The following EPS15 variants were observed in gnomAD, a reference collection of about 807,000 sequenced individuals.
EPS15 encodes epidermal growth factor receptor pathway substrate 15.
A neutral mutation model predicts 113.8 loss-of-function variants in EPS15; 72 were observed. The ratio of observed to expected loss-of-function variants is 0.63; its 90% confidence interval spans 0.52 to 0.77. EPS15 has a LOEUF of 0.77. Ranked by LOEUF, EPS15 falls within the 30% of genes least tolerant of loss-of-function variation. EPS15 has a pLI of 0.00. For missense variants in EPS15, 1,048 were observed against 1,045.8 expected (o/e 1.00, Z -0.03); for synonymous variants, 344 against 363.4 (o/e 0.95, Z 0.61).
At chr1:51,485,658 C>A (rs1162241113) in intron 1 of EPS15, among the ~76,000 whole-genome samples, 1 of 152,162 alleles carries the variant, frequency 6.6e-6, no homozygotes, top group Non-Finnish European at 1.5e-5. Flanking sequence ...CAATTATTAT[C>A]AACAAAGTTT....
chr1:51,375,706 A>G (rs1385914440), intron 21 of EPS15, among the ~76,000 whole-genome samples: 1 of 152,212 alleles, frequency 6.6e-6, no homozygotes, highest in Non-Finnish European at 1.5e-5. Context: ...GACCTATATA[A>G]TAATAACTAA....
chr1:51,363,272 T>C (rs1481752192), intron 23 of EPS15, among the ~76,000 whole-genome samples: 2 of 137,858 alleles, frequency 1.5e-5, no homozygotes, highest in East Asian at 4.1e-4. Context: ...TACTCCAGCC[T>C]GGGCAACAGA....
intron 1 of EPS15, among the ~76,000 whole-genome samples, chr1:51,510,646 C>T (rs1403580587): frequency 2.0e-5 from 3 of 151,820 alleles, no homozygotes; most frequent in Admixed American, 6.6e-5. Flanking sequence ...ACAGTGGAGC[C>T]GGAAGAGGGA....
chr1:51,515,904 G>A (rs937968609), intron 1 of EPS15, among the ~76,000 whole-genome samples: 11 of 152,146 alleles, frequency 7.2e-5, no homozygotes, highest in Admixed American at 5.2e-4. Flanking sequence ...GATTCTAAGT[G>A]TAGTAAAATT....
intron 1 of EPS15, among the ~76,000 whole-genome samples, chr1:51,497,668 T>G (rs1644347744): frequency 6.6e-6 from 1 of 152,104 alleles, no homozygotes; most frequent in African/African-American, 2.4e-5. Flanking sequence ...GCGAAAAATA[T>G]CACTTAAATC....
At chr1:51,459,970 CAG>C (rs1198615368) in intron 8 of EPS15, among the ~76,000 whole-genome samples, 3 of 151,554 alleles carry the variant, frequency 2.0e-5, no homozygotes, top group Non-Finnish European at 1.5e-5. Flanking sequence ...GAAAATGTAA[CAG>C]GGAATTAAAT....
intron 8 of EPS15, among the ~76,000 whole-genome samples, chr1:51,452,501 A>G (rs970354061): frequency 6.6e-6 from 1 of 152,004 alleles, no homozygotes; most frequent in African/African-American, 2.4e-5. Flanking sequence ...TCAGGTTGGT[A>G]TCAAACTTCT....
At position 51,364,052 on chromosome 1, in the gene EPS15, T is replaced by C. The variant is rs1160835303; in HGVS notation, c.2197-24A>G. Reference sequence around the variant, plus strand: ...ACCTTTGTTTAAAAAGAAATGGTTATACATGGCTATACCAAGCAAATTGTG... The same window carrying C: ...ACCTTTGTTTAAAAAGAAATGGTTACACATGGCTATACCAAGCAAATTGTG... On this transcript the variant is annotated intron_variant, in intron 22 of 24. Transcript: ENST00000371733. The C allele has an allele frequency of 3.8e-6, 6 of 1,564,056 alleles. No homozygotes were observed. In the African/African-American group the frequency reaches 5.4e-5, roughly 14 times the overall value.
rs533600856 is a variant in EPS15, at chr1:51,431,421, T to G, written c.1040+8926A>C. ...GTGGCAGGTCCCAAAATCAGATGGTTCATTTTACAAAGGTGAAATAATTTC... is the reference window on the plus strand; with the variant it reads ...GTGGCAGGTCCCAAAATCAGATGGTGCATTTTACAAAGGTGAAATAATTTC... On this transcript the variant is annotated intron_variant, in intron 12 of 24. Coordinates refer to ENST00000371733, the MANE Select transcript of EPS15 (RefSeq NM_001981.3). Among the ~76,000 whole-genome samples, 301 of 152,020 alleles carry G rather than the reference T, an allele frequency of 2.0e-3. 1 individual carries two copies. The highest frequency in any genetic ancestry group is 2.7e-3 in the Non-Finnish European group (181 of 67,966).
rs776067707 is a variant in EPS15, at chr1:51,409,555, A to G, written c.1255T>C (p.Cys419Arg). ...ATTACCAGTTGGGCCTCCTCAGCAC[A>G]TTTCTTTCTGACTTCCTTGAGTTGC... The part of the protein sequence containing the change: ...EEQLKEVRKK[C>R]AEEAQLISSL... Residue 419 changes from cysteine to arginine, a missense_variant, in exon 14 of 25, where the codon TGT (cysteine) becomes CGT (arginine). Coordinates refer to ENST00000371733, the MANE Select transcript of EPS15 (RefSeq NM_001981.3). The G allele has an allele frequency of 2.5e-6, 4 of 1,613,284 alleles. No individual in the cohort carries two copies. The highest frequency in any genetic ancestry group is 1.3e-5 in the African/African-American group (1 of 74,876).
intron 20 of EPS15, among the ~76,000 whole-genome samples, chr1:51,396,162 A>AC (rs1381532834): frequency 1.4e-4 from 21 of 152,208 alleles, no homozygotes; most frequent in African/African-American, 5.1e-4. Flanking sequence ...ACTAACTTAG[A>AC]TATCTGCAGA....
chr1:51,397,247 C>T (rs1195193177), intron 20 of EPS15: 2 of 152,160 alleles, frequency 1.3e-5, no homozygotes, highest in Non-Finnish European at 2.9e-5. Context: ...ATATAAAGAG[C>T]TTGGCACCAT....
At chr1:51,479,088 G>A (rs1044841029) in intron 2 of EPS15, among the ~76,000 whole-genome samples, 1 of 152,076 alleles carries the variant, frequency 6.6e-6, no homozygotes, top group African/African-American at 2.4e-5. Context: ...TCACTTTCAG[G>A]TACACCAATC....
rs1452417170 is a variant in EPS15, at chr1:51,440,426, T to G, written c.961A>C (p.Ile321Leu). ...SDRASLQKNI[I>L]GSSPVADFSA... ...AAATCTGCAACAGGACTTGATCCTA[T>G]GATGTTCTAAAAACAAAAAGTTCAC... The change falls in exon 12 of 25, where the codon ATA (isoleucine) becomes CTA (leucine). Residue 321 changes from isoleucine to leucine, a missense_variant. Physicochemically the swap from Ile to Leu is conservative, Grantham distance 5 (BLOSUM62 2). Transcript: ENST00000371733. 6.4e-7 allele frequency: 1 copy of G among 1,558,694 alleles called. No homozygotes were observed. Among genetic ancestry groups the G allele is most frequent in the Non-Finnish European group, 8.8e-7 (1 of 1,142,344 alleles).
At chr1:51,359,908 CTT>C (rs112942070) in intron 24 of EPS15, among the ~76,000 whole-genome samples, 1 of 146,462 alleles carries the variant, frequency 6.8e-6, no homozygotes. Context: ...CATGCAGATT[CTT>C]TTTTTTTTTG....
rs1039434405 is a variant in EPS15 at position 51,356,090 on chromosome 1, G to T, written c.*610C>A. 8 of 203,892 alleles carry T rather than the reference G, an allele frequency of 3.9e-5. No individual in the cohort carries two copies. In the Admixed American group the frequency reaches 4.2e-4, roughly 11 times the overall value. The allele number at this position is 203,892 out of a possible 1,614,324, so 12.6% of individuals were successfully genotyped here. ...GCTTTAATATTTTTAGTTAGGAAAA[G>T]ATCGAATCTGAGGCTATAATGGTTC... is the stretch of plus-strand genomic sequence containing the variant. On this transcript the variant is annotated 3_prime_UTR_variant, in exon 25 of 25. Coordinates refer to ENST00000371733, the MANE Select transcript of EPS15 (RefSeq NM_001981.3).
chr1:51,371,850 T>C (rs373163348), intron 21 of EPS15, among the ~76,000 whole-genome samples: 1 of 152,334 alleles, frequency 6.6e-6, no homozygotes, highest in African/African-American at 2.4e-5. Flanking sequence ...GCTCCGTTCA[T>C]GGTTAAGTGT....
At chr1:51,452,529 C>G (rs1044258391) in intron 8 of EPS15, among the ~76,000 whole-genome samples, 2 of 152,116 alleles carry the variant, frequency 1.3e-5, no homozygotes, top group African/African-American at 4.8e-5. Flanking sequence ...AGTAAGCCAC[C>G]ACACCCAACC....
At chr1:51,511,900 T>C (rs1033417423) in intron 1 of EPS15, among the ~76,000 whole-genome samples, 1 of 152,210 alleles carries the variant, frequency 6.6e-6, no homozygotes, top group African/African-American at 2.4e-5. Flanking sequence ...TATATTCCCA[T>C]TGTAATAATC....
Sources: gnomAD v4.1 joint callset for allele counts (sites outside exome capture counted in the v4.1 genomes callset) on GRCh38, gnomAD v4.1.1 for gene constraint, MANE v1.5 for transcripts, NCBI Gene and HGNC (gene_info 2026-07-23, HGNC 2026-07-21) for gene names.